KIAA1755: variants seen among roughly 807,000 people sequenced by gnomAD.
The protein encoded by KIAA1755 is KIAA1755, also known as uncharacterized protein KIAA1755.
A neutral mutation model predicts 91.7 loss-of-function variants in KIAA1755; 68 were observed. That is an observed-to-expected ratio of 0.74 (90% CI 0.61 to 0.91). The LOEUF (loss-of-function observed/expected upper bound fraction) is 0.91, where lower values mean the gene tolerates loss of function less well. KIAA1755 is among the 40% of genes least tolerant of loss of function. The pLI, the probability that KIAA1755 is intolerant of heterozygous loss-of-function variation, is 0.00. For missense variants in KIAA1755, 1,535 were observed against 1,494.4 expected (o/e 1.03, Z -0.45); for synonymous variants, 610 against 604.6 (o/e 1.01, Z -0.13).
At chr20:38,237,152 T>C (rs562312525) in intron 4 of KIAA1755, among the ~76,000 whole-genome samples, 2 of 150,126 alleles carry the variant, frequency 1.3e-5, no homozygotes, top group Non-Finnish European at 3.0e-5. Flanking sequence ...TTCCTTCCAA[T>C]TGCTTCTGCT....
intron 12 of KIAA1755, 140 bp downstream of exon 12, chr20:38,218,104 G>A: frequency 9.5e-7 from 1 of 1,050,342 alleles, no homozygotes; most frequent in Non-Finnish European, 1.4e-6. Context: ...GCTGAACTCT[G>A]CAATCCAAGC....
chr20:38,218,525 G>A (rs564428259), intron 11 of KIAA1755, among the ~76,000 whole-genome samples, 159 bp from the exon 12 acceptor site: 32 of 152,340 alleles, frequency 2.1e-4, no homozygotes, highest in African/African-American at 7.0e-4. Flanking sequence ...AATTCTGGGC[G>A]TGGGAAGAAA....
At chr20:38,228,995 C>T (rs1052122076) in intron 5 of KIAA1755, among the ~76,000 whole-genome samples, 1 of 152,170 alleles carries the variant, frequency 6.6e-6, no homozygotes, top group Non-Finnish European at 1.5e-5. Context: ...GATTCCTCAC[C>T]CTACTCCTCT....
rs73283232 is a variant in KIAA1755, at chr20:38,221,239, A to G, written c.2417+1210T>C. ...GGCTGCAGGGACCCGCTGCAGAACA[A>G]ACGCCCACAGCAGCTCATGTGGGAC... On this transcript the variant is annotated intron_variant, in intron 10 of 13. Coordinates refer to ENST00000279024, the MANE Select transcript of KIAA1755 (RefSeq NM_001029864.2). Among the ~76,000 whole-genome samples, 826 of 152,312 alleles carry G rather than the reference A, an allele frequency of 5.4e-3. 4 individuals are homozygous for G. The highest frequency in any genetic ancestry group is 0.017 in the African/African-American group (724 of 41,554).
In KIAA1755 at chr20:38,241,221, C is replaced by T; in HGVS notation, c.910G>A (p.Ala304Thr). ...AGTSSGCTSGALEEIAGTKET... is the reference protein window; with the variant it reads ...AGTSSGCTSGTLEEIAGTKET... The stretch of plus-strand genomic sequence containing the variant: ...TTAGTTCCAGCTATCTCCTCTAGTG[C>T]CCCAGAAGTACACCCACTGGATGTG... Residue 304 changes from alanine (A) to threonine (T), a missense_variant, in exon 3 of 14, where the codon GCA becomes ACA. By Grantham distance (58) the Ala-to-Thr change is moderately conservative. Transcript: ENST00000279024. The T allele has an allele frequency of 6.2e-7, 1 of 1,614,112 alleles. No individual in the cohort carries two copies. Among genetic ancestry groups the T allele is most frequent in the South Asian group, 1.1e-5 (1 of 91,076 alleles).
chr20:38,243,584 G>A (rs1341628468), intron 2 of KIAA1755, among the ~76,000 whole-genome samples: 1 of 152,232 alleles, frequency 6.6e-6, no homozygotes, highest in Non-Finnish European at 1.5e-5. Context: ...TTTTACAGAT[G>A]ATGCAACTGA....
At chr20:38,250,446 T>C (rs537801476) in intron 1 of KIAA1755, among the ~76,000 whole-genome samples, 1 of 151,740 alleles carries the variant, frequency 6.6e-6, no homozygotes, top group South Asian at 2.1e-4. Context: ...GAGCCATCAC[T>C]ACAATTTCTG....
At chr20:38,260,176 A>G in intron 1 of KIAA1755, 2 of 1,390,070 alleles carry the variant, frequency 1.4e-6, no homozygotes, top group Admixed American at 6.0e-5. Context: ...CAAACATGCA[A>G]AACCACCCCG....
chr20:38,241,744 G>A lies in KIAA1755; in HGVS notation c.387C>T (p.Cys129=). 1 of 1,614,236 alleles carries A rather than the reference G, an allele frequency of 6.2e-7. No homozygotes were observed. Among genetic ancestry groups the A allele is most frequent in the Non-Finnish European group, 8.5e-7 (1 of 1,180,038 alleles). The change falls in exon 3 of 14, where the codon TGC becomes TGT. Residue 129 remains cysteine (C), a synonymous_variant. Transcript: ENST00000279024. ...IMIKCLSLDL[C]TVDKKPVPEP... is the part of the protein sequence containing the mutation. ...CTGGAACAGGCTTCTTGTCCACTGT[G>A]CAGAGGTCCAGGGAGAGGCATTTGA...
Position 38,227,086 on chromosome 20 carries a change from C to A in KIAA1755, c.2052+68G>T. 4 of 1,208,502 alleles carry A rather than the reference C, an allele frequency of 3.3e-6. No individual in the cohort carries two copies. The South Asian group carries it at 3.9e-5, about 12-fold the overall frequency. The allele number at this position is 1,208,502 out of a possible 1,614,324, so 74.9% of individuals were successfully genotyped here. Reference sequence around the variant, plus strand: ...TCATGAATTCTGCAGTTCTCCCTCTCCTTAACCCCAGCTCAGCTCGAGCCC... The same window carrying A: ...TCATGAATTCTGCAGTTCTCCCTCTACTTAACCCCAGCTCAGCTCGAGCCC... On this transcript the variant is annotated intron_variant, in intron 7 of 13. Transcript: ENST00000279024.
intron 11 of KIAA1755, among the ~76,000 whole-genome samples, chr20:38,218,714 G>A (rs755018868): frequency 2.6e-5 from 4 of 152,194 alleles, no homozygotes; most frequent in Non-Finnish European, 5.9e-5. Context: ...CAGGGGTGAT[G>A]AGCTCCCTGT....
chr20:38,241,106 C>G lies in KIAA1755; in HGVS notation c.1025G>C (p.Ser342Thr). ...LGNRACTKPE[S>T]SEERPYNLGF... ...CAAATTATAGGGCCTCTCCTCAGAG[C>G]TTTCTGGCTTTGTGCAAGCCCGATT... Residue 342 changes from serine (S) to threonine (T), a missense_variant, in exon 3 of 14, where the codon AGC (serine) becomes ACC (threonine). Transcript: ENST00000279024. The G allele has an allele frequency of 6.2e-7, 1 of 1,614,132 alleles. No homozygotes were observed. Among genetic ancestry groups the G allele is most frequent in the African/African-American group, 1.3e-5 (1 of 75,048 alleles).
Position 38,241,607 on chromosome 20 carries a change from G to A in KIAA1755, c.524C>T (p.Pro175Leu), listed in dbSNP as rs2076067302. The A allele has an allele frequency of 6.2e-7, 1 of 1,614,124 alleles. No homozygotes were observed. Among genetic ancestry groups the A allele is most frequent in the Non-Finnish European group, 8.5e-7 (1 of 1,180,054 alleles). ...GCTGGTTATCTTGGTCCAAGGCACA[G>A]GGGCAATCCCATTTTCTGATGCTAC... ...CLVASENGIA[P>L]VPWTKITSPE... The change falls in exon 3 of 14, where the codon CCT becomes CTT. Residue 175 changes from proline (P) to leucine (L), a missense_variant. Physicochemically the swap from Pro to Leu is moderately conservative, Grantham distance 98 (BLOSUM62 -3). Coordinates refer to ENST00000279024, the MANE Select transcript of KIAA1755 (RefSeq NM_001029864.2).
chr20:38,218,436 T>G, intron 11 of KIAA1755, 70 bp from the exon 12 acceptor site: 1 of 1,589,870 alleles, frequency 6.3e-7, no homozygotes, highest in Non-Finnish European at 8.6e-7. Flanking sequence ...CTCCCCCACT[T>G]CCTTGCAGGC....
At chr20:38,253,065 C>T (rs1183765318) in intron 1 of KIAA1755, among the ~76,000 whole-genome samples, 2 of 115,036 alleles carry the variant, frequency 1.7e-5, no homozygotes, top group Non-Finnish European at 3.5e-5. Flanking sequence ...ACACAGCCCG[C>T]AGCCCGGCAG....
In KIAA1755 at chr20:38,212,834, A is replaced by C; in HGVS notation, c.*208T>G. On this transcript the variant is annotated 3_prime_UTR_variant, in exon 14 of 14. Transcript: ENST00000279024. ...CCTGGTTCTGACGCCCACTCTTGCT[A>C]TTCTGCATGGGTGAAGATCGGGTCT... 2.0e-6 allele frequency: 1 copy of C among 504,766 alleles called. No individual in the cohort carries two copies. The highest frequency in any genetic ancestry group is 3.5e-6 in the Non-Finnish European group (1 of 285,322). 31.3% of individuals were successfully genotyped at this position (504,766 alleles called of 1,614,324 possible). A position where few individuals can be genotyped will look rare whatever the true frequency, so the allele number is the denominator to read the frequency against.
chr20:38,250,536 G>GTGTGTGT (rs1568778183), intron 1 of KIAA1755, among the ~76,000 whole-genome samples: 1 of 150,468 alleles, frequency 6.6e-6, no homozygotes, highest in Non-Finnish European at 1.5e-5. Context: ...GTGTGTGTGT[G>GTGTGTGT]GTTTTAAGGA....
rs2075457333 is a variant in KIAA1755, at chr20:38,212,026, T to A, written c.*1016A>T. The A allele has an allele frequency of 6.6e-6, 1 of 152,180 alleles. No homozygotes were observed. The highest frequency in any genetic ancestry group is 2.4e-5 in the African/African-American group (1 of 41,420). The allele number at this position is 152,180 out of a possible 1,614,324, so 9.4% of individuals were successfully genotyped here. On this transcript the variant is annotated 3_prime_UTR_variant, in exon 14 of 14. Transcript: ENST00000279024. ...AGCTACAGTTGCCAACATGGAAATT[T>A]GTATGAGGGTGGGGCACAGTGGCTC... is the stretch of plus-strand genomic sequence containing the variant.
chr20:38,244,254 A>G (rs879646073), intron 2 of KIAA1755, among the ~76,000 whole-genome samples: 6 of 152,184 alleles, frequency 3.9e-5, no homozygotes, highest in Non-Finnish European at 8.8e-5. Flanking sequence ...CATCTGCATG[A>G]AATAGTGTCA....
Sources: gnomAD v4.1 joint callset for allele counts (sites outside exome capture counted in the v4.1 genomes callset) on GRCh38, gnomAD v4.1.1 for gene constraint, MANE v1.5 for transcripts, NCBI Gene and HGNC (gene_info 2026-07-23, HGNC 2026-07-21) for gene names.